XPNPEP3: variants seen among roughly 807,000 people sequenced by gnomAD.
The protein encoded by XPNPEP3 is xaa-Pro aminopeptidase 3.
Under a neutral mutation model 60.0 loss-of-function variants are expected in XPNPEP3, and 41 were observed. That is an observed-to-expected ratio of 0.68 (90% CI 0.53 to 0.89). The LOEUF (loss-of-function observed/expected upper bound fraction) is 0.89. Among genes scored for constraint, XPNPEP3 ranks in the 40% least tolerant of loss-of-function variants. The probability of loss-of-function intolerance (pLI) is 0.00; values close to 1 mark genes in which losing one functional copy is unlikely to be tolerated. For synonymous variants in XPNPEP3, 212 were observed against 223.2 expected (o/e 0.95, Z 0.45); for missense variants, 598 against 638.9 (o/e 0.94, Z 0.69).
chr22:40,907,676 A>C, intron 5 of XPNPEP3, 27 bp downstream of exon 5: 1 of 1,602,068 alleles, frequency 6.2e-7, no homozygotes, highest in Non-Finnish European at 8.6e-7. Flanking sequence ...TAGCTTCACC[A>C]TCTTGTTGGA....
intron 4 of XPNPEP3, among the ~76,000 whole-genome samples, chr22:40,896,194 T>G (rs1291767805): frequency 6.6e-6 from 1 of 152,140 alleles, no homozygotes; most frequent in African/African-American, 2.4e-5. Flanking sequence ...TGGCCCTCTG[T>G]CAATTTTTGT....
At position 40,926,636 on chromosome 22, in the gene XPNPEP3, AATAGT is replaced by A. The variant is rs779051968; in HGVS notation, c.*204_*208del. The A allele has an allele frequency of 4.2e-5, 27 of 639,904 alleles. No individual in the cohort carries two copies. Among genetic ancestry groups the A allele is most frequent in the Non-Finnish European group, 6.3e-5 (23 of 363,780 alleles). 39.6% of individuals were successfully genotyped at this position (639,904 alleles called of 1,614,324 possible). ...AGAAGTCTGGGAAAATGAATTTTTGAATAGTATGTTACTGCAGCTTTGGTAACATT... is the reference window on the plus strand; with the variant it reads ...AGAAGTCTGGGAAAATGAATTTTTGAATGTTACTGCAGCTTTGGTAACATT... On this transcript the variant is annotated 3_prime_UTR_variant, in exon 10 of 10. Coordinates refer to ENST00000357137, the MANE Select transcript of XPNPEP3 (RefSeq NM_022098.4).
chr22:40,881,866 C>G lies in XPNPEP3; in HGVS notation c.278C>G (p.Thr93Arg). 1.2e-6 allele frequency: 2 copies of G among 1,614,176 alleles called. No individual in the cohort carries two copies. The highest frequency in any genetic ancestry group is 1.6e-4 in the Middle Eastern group (1 of 6,062). Residue 93 changes from threonine to arginine, a missense_variant, in exon 3 of 10, where the codon ACA (threonine) becomes AGA (arginine). By Grantham distance (71) the Thr-to-Arg change is moderately conservative. Transcript: ENST00000357137. Reference protein sequence around the residue: ...IQKEAQGQSGTDQTVVVLSNP... With the variant: ...IQKEAQGQSGRDQTVVVLSNP... ...AAGGAAGCTCAAGGGCAGAGTGGGA[C>G]AGACCAGACAGTGGTTGTGCTCTCC...
At chr22:40,878,720 G>A (rs2058036688) in intron 2 of XPNPEP3, among the ~76,000 whole-genome samples, 1 of 151,788 alleles carries the variant, frequency 6.6e-6, no homozygotes, top group Non-Finnish European at 1.5e-5. Flanking sequence ...CCAAGTAGCT[G>A]GGACTACAGG....
chr22:40,886,671 TA>T (rs2058070156), intron 4 of XPNPEP3, among the ~76,000 whole-genome samples, 156 bp downstream of exon 4: 1 of 150,756 alleles, frequency 6.6e-6, no homozygotes, highest in Non-Finnish European at 1.5e-5. Context: ...TAAAAAAACA[TA>T]AAAAATTAGC....
At chr22:40,924,632 C>G in intron 9 of XPNPEP3, 150 bp downstream of exon 9, 1 of 1,132,070 alleles carries the variant, frequency 8.8e-7, no homozygotes, top group Non-Finnish European at 1.3e-6. Context: ...CAGCAATTCT[C>G]CTGCCTCAAC....
At chr22:40,863,070 C>T (rs2057960276) in intron 1 of XPNPEP3, among the ~76,000 whole-genome samples, 1 of 152,110 alleles carries the variant, frequency 6.6e-6, no homozygotes, top group African/African-American at 2.4e-5. Flanking sequence ...AGCCACTGGC[C>T]ATGTTGATGG....
chr22:40,868,376 C>T (rs1569015117), intron 1 of XPNPEP3, among the ~76,000 whole-genome samples: 1 of 151,576 alleles, frequency 6.6e-6, no homozygotes, highest in African/African-American at 2.4e-5. Flanking sequence ...TTTTTTGGTT[C>T]CTTTCTTCTG....
At chr22:40,911,906 G>A (rs1297163490) in intron 6 of XPNPEP3, among the ~76,000 whole-genome samples, 1 of 152,100 alleles carries the variant, frequency 6.6e-6, no homozygotes, top group Admixed American at 6.6e-5. Context: ...ATTGTCATAA[G>A]AACACAGACA....
chr22:40,916,258 C>T (rs1178910893), intron 7 of XPNPEP3, among the ~76,000 whole-genome samples: 1 of 151,234 alleles, frequency 6.6e-6, no homozygotes, highest in Non-Finnish European at 1.5e-5. Flanking sequence ...TACCACTGCA[C>T]TCCAGCTTGG....
At chr22:40,857,451 G>T (rs970031423) in intron 1 of XPNPEP3, among the ~76,000 whole-genome samples, 10 of 152,252 alleles carry the variant, frequency 6.6e-5, no homozygotes, top group Non-Finnish European at 1.0e-4. Context: ...ATTTTGTGAA[G>T]CCGAAATGAC....
At chr22:40,922,648 G>T in intron 8 of XPNPEP3, 135 bp downstream of exon 8, 1 of 1,149,872 alleles carries the variant, frequency 8.7e-7, no homozygotes, top group Non-Finnish European at 1.2e-6. Context: ...TAGTTTAGGA[G>T]GCTGAGGCAG....
chr22:40,882,238 T>A, intron 3 of XPNPEP3, 61 bp downstream of exon 3: 1 of 1,587,510 alleles, frequency 6.3e-7, no homozygotes, highest in Non-Finnish European at 8.6e-7. Flanking sequence ...CTTTCTTGCC[T>A]GTTTAGACAA....
intron 4 of XPNPEP3, among the ~76,000 whole-genome samples, chr22:40,906,492 A>G (rs1415476533): frequency 2.0e-5 from 3 of 151,924 alleles, no homozygotes; most frequent in African/African-American, 7.3e-5. Context: ...CTTATACTGT[A>G]GGTCAGTGAT....
chr22:40,903,081 C>A (rs1484660162), intron 4 of XPNPEP3, among the ~76,000 whole-genome samples: 1 of 152,176 alleles, frequency 6.6e-6, no homozygotes, highest in Non-Finnish European at 1.5e-5. Flanking sequence ...TGATCTGTTA[C>A]CAGTACTGAC....
intron 4 of XPNPEP3, among the ~76,000 whole-genome samples, chr22:40,899,767 G>A (rs558301908): frequency 1.5e-4 from 22 of 149,706 alleles, no homozygotes; most frequent in African/African-American, 4.4e-4. Flanking sequence ...TGCAGTGAGC[G>A]GAGATCACGC....
At chr22:40,865,548 G>A (rs1025787355) in intron 1 of XPNPEP3, among the ~76,000 whole-genome samples, 1 of 151,888 alleles carries the variant, frequency 6.6e-6, no homozygotes, top group Non-Finnish European at 1.5e-5. Flanking sequence ...GGCTGGTCTC[G>A]AACTCCCGAC....
rs147656876 is a variant in XPNPEP3 at position 40,929,684 on chromosome 22, A to G, written c.*3249A>G. On this transcript the variant is annotated 3_prime_UTR_variant, in exon 10 of 10. Transcript: ENST00000357137. ...CCTGACCCAGGTATATTGTCCTTTG[A>G]GTCCCAGATTAACTAACTATAGCAG... The G allele has an allele frequency of 6.6e-6, 1 of 152,274 alleles. No homozygotes were observed. The highest frequency in any genetic ancestry group is 1.9e-4 in the East Asian group (1 of 5,184). The allele number at this position is 152,274 out of a possible 1,614,324, so 9.4% of individuals were successfully genotyped here.
intron 2 of XPNPEP3, among the ~76,000 whole-genome samples, chr22:40,870,952 C>G (rs994883475): frequency 2.0e-5 from 3 of 152,006 alleles, no homozygotes; most frequent in African/African-American, 7.2e-5. Context: ...TCACCTGAAT[C>G]TGGGAGGCGG....
Sources: gnomAD v4.1 joint callset for allele counts (sites outside exome capture counted in the v4.1 genomes callset) on GRCh38, gnomAD v4.1.1 for gene constraint, MANE v1.5 for transcripts, NCBI Gene and HGNC (gene_info 2026-07-23, HGNC 2026-07-21) for gene names.